DTNA: variants seen among roughly 807,000 people sequenced by gnomAD.
The protein encoded by DTNA is dystrophin-related protein 3.
DTNA carries 43 observed loss-of-function variants against 100.7 expected under a neutral mutation model. The observed-to-expected ratio is 0.43, with a 90% CI of 0.33 to 0.55. DTNA has a LOEUF of 0.55. DTNA is among the 20% of genes least tolerant of loss of function. The pLI is 0.04. For synonymous variants in DTNA, 349 were observed against 347.9 expected (o/e 1.00, Z -0.04); for missense variants, 798 against 953.9 (o/e 0.84, Z 2.15).
At position 34,858,372 on chromosome 18, in the gene DTNA, C is replaced by G; in HGVS notation, c.1620C>G (p.Thr540=). 1 of 1,614,158 alleles carries G rather than the reference C, an allele frequency of 6.2e-7. No homozygotes were observed. The highest frequency in any genetic ancestry group is 8.5e-7 in the Non-Finnish European group (1 of 1,180,038). ...CAGAGAAGGCACAGCAAAACCCCAC[C>G]CTGCTGGCAGAACTCCGGCTCCTCA... ...PTPEKAQQNP[T]LLAELRLLRQ... is the part of the protein sequence containing the mutation. The change falls in exon 16 of 23, where the codon ACC becomes ACG. Residue 540 remains threonine, a synonymous_variant. Transcript: ENST00000444659.
intron 4 of DTNA, 75 bp from the exon 5 acceptor site, chr18:34,806,144 G>A (rs1212397134): frequency 1.9e-5 from 24 of 1,290,320 alleles, no homozygotes; most frequent in Non-Finnish European, 2.5e-5. Context: ...AAACCTTGTT[G>A]CTGGAAGTAC....
intron 1 of DTNA, among the ~76,000 whole-genome samples, chr18:34,656,613 G>A (rs1393191345): frequency 6.6e-6 from 1 of 152,096 alleles, no homozygotes; most frequent in Non-Finnish European, 1.5e-5. Context: ...GATGTCACAA[G>A]TTTCAATGGT....
chr18:34,598,008 G>A (rs973305512), intron 1 of DTNA, among the ~76,000 whole-genome samples: 3 of 152,294 alleles, frequency 2.0e-5, no homozygotes, highest in Admixed American at 1.3e-4. Context: ...ATGAACAGAT[G>A]ACTATTCAGA....
Position 34,889,329 on chromosome 18 carries a change from A to G in DTNA, c.*1595A>G, listed in dbSNP as rs780857301. 766 of 980,574 alleles carry G rather than the reference A, an allele frequency of 7.8e-4. No individual in the cohort carries two copies. The highest frequency in any genetic ancestry group is 9.0e-4 in the Non-Finnish European group (741 of 825,710). The allele number at this position is 980,574 out of a possible 1,614,324, so 60.7% of individuals were successfully genotyped here. On this transcript the variant is annotated 3_prime_UTR_variant, in exon 23 of 23. Coordinates refer to ENST00000444659, the MANE Select transcript of DTNA (RefSeq NM_001386795.1). ...AATTTGTAAGCCCCACCTCAGGCCT[A>G]CTGAATCAGAAGCTCTGGGGGTTGG...
At chr18:34,861,523 G>A (rs549596305) in intron 16 of DTNA, among the ~76,000 whole-genome samples, 10 of 144,444 alleles carry the variant, frequency 6.9e-5, no homozygotes, top group African/African-American at 2.5e-4. Flanking sequence ...AAGAAAGTAG[G>A]TTTTAACACA....
At chr18:34,665,558 T>C (rs1451339634) in intron 1 of DTNA, among the ~76,000 whole-genome samples, 2 of 152,218 alleles carry the variant, frequency 1.3e-5, no homozygotes, top group African/African-American at 4.8e-5. Context: ...TATCTCCTAA[T>C]GCTATCCCTC....
At chr18:34,655,249 G>T (rs923352685) in intron 1 of DTNA, among the ~76,000 whole-genome samples, 1 of 152,066 alleles carries the variant, frequency 6.6e-6, no homozygotes, top group Non-Finnish European at 1.5e-5. Context: ...TCGGTTATTG[G>T]ACATATTCAC....
At chr18:34,739,498 C>T (rs1469347512) in intron 1 of DTNA, among the ~76,000 whole-genome samples, 2 of 152,198 alleles carry the variant, frequency 1.3e-5, no homozygotes, top group Non-Finnish European at 2.9e-5. Flanking sequence ...AGATGTGCCA[C>T]AGAGCAATGA....
intron 9 of DTNA, among the ~76,000 whole-genome samples, chr18:34,824,679 T>C (rs2095813857): frequency 1.3e-5 from 2 of 152,090 alleles, no homozygotes; most frequent in African/African-American, 4.8e-5. Context: ...GAAAATGCTT[T>C]ATCAATACAT....
chr18:34,653,252 A>G (rs1035720532), intron 1 of DTNA, among the ~76,000 whole-genome samples: 1 of 152,156 alleles, frequency 6.6e-6, no homozygotes, highest in Non-Finnish European at 1.5e-5. Flanking sequence ...CTACCTGTTG[A>G]TTGCTAAAAA....
rs116429015 is a variant in DTNA, at chr18:34,856,055, G to A, written c.1533-2230G>A. Among the ~76,000 whole-genome samples, 571 of 152,238 alleles carry A rather than the reference G, an allele frequency of 3.8e-3. 4 individuals carry two copies. Among genetic ancestry groups the A allele is most frequent in the African/African-American group, 0.013 (522 of 41,544 alleles). On this transcript the variant is annotated intron_variant, in intron 15 of 22. Coordinates refer to ENST00000444659, the MANE Select transcript of DTNA (RefSeq NM_001386795.1). ...CTTGTTTCCTGGATGTTTTTGGATC[G>A]CACTCTCTAAATGCATGTCTTTAAG...
At chr18:34,709,557 G>T (rs2082533452), upstream of DTNA, 1 of 152,136 alleles carries the variant, frequency 6.6e-6, no homozygotes, top group African/African-American at 2.4e-5. Flanking sequence ...ATTGGTTTGG[G>T]GAGTCCCAGG....
chr18:34,634,582 T>C (rs975839698), intron 1 of DTNA, among the ~76,000 whole-genome samples: 8 of 152,110 alleles, frequency 5.3e-5, no homozygotes, highest in African/African-American at 1.9e-4. Flanking sequence ...GTGAAGAAAA[T>C]CCAGTCTCAC....
intron 1 of DTNA, among the ~76,000 whole-genome samples, chr18:34,539,685 G>T (rs2044064054): frequency 1.3e-5 from 2 of 151,822 alleles, no homozygotes; most frequent in Non-Finnish European, 2.9e-5. Context: ...TTGTATCATT[G>T]TCTATGTGAA....
At chr18:34,581,280 C>CAAAACAAAAAAA (rs2048605366) in intron 1 of DTNA, among the ~76,000 whole-genome samples, 1 of 96,372 alleles carries the variant, frequency 1.0e-5, no homozygotes, top group East Asian at 3.7e-4. Flanking sequence ...AACAAAAAAA[C>CAAAACAAAAAAA]AAAACAAAAA....
intron 1 of DTNA, among the ~76,000 whole-genome samples, chr18:34,547,109 G>A (rs931807597): frequency 1.3e-5 from 2 of 151,928 alleles, no homozygotes; most frequent in African/African-American, 2.4e-5. Flanking sequence ...GTGATTTACT[G>A]CAAATATAAA....
At chr18:34,851,708 GCTTT>G (rs1170812763) in intron 14 of DTNA, 119 bp from the exon 15 acceptor site, 2 of 1,100,688 alleles carry the variant, frequency 1.8e-6, no homozygotes, top group South Asian at 1.4e-5. Flanking sequence ...TTATGTATTT[GCTTT>G]CTTTGTTTTG....
intron 4 of DTNA, among the ~76,000 whole-genome samples, chr18:34,803,135 A>C (rs2095268647): frequency 1.3e-5 from 2 of 152,108 alleles, no homozygotes. Flanking sequence ...CCACGACCTA[A>C]ATCCCTGCAT....
chr18:34,740,669 G>A (rs568929942), intron 1 of DTNA, among the ~76,000 whole-genome samples: 25 of 152,158 alleles, frequency 1.6e-4, no homozygotes, highest in African/African-American at 5.3e-4. Context: ...GATGGTGCAC[G>A]CCTGTGGTCC....
Sources: gnomAD v4.1 joint callset for allele counts (sites outside exome capture counted in the v4.1 genomes callset) on GRCh38, gnomAD v4.1.1 for gene constraint, MANE v1.5 for transcripts, NCBI Gene and HGNC (gene_info 2026-07-23, HGNC 2026-07-21) for gene names.